Variants in FGF13 observed in about 807,000 individuals in gnomAD.
The protein encoded by FGF13 is fibroblast growth factor homologous factor 2.
Under a neutral mutation model 19.5 loss-of-function variants are expected in FGF13, and 2 were observed. The observed-to-expected ratio is 0.10, with a 90% CI of 0.04 to 0.32. The LOEUF (loss-of-function observed/expected upper bound fraction) is 0.32. Ranked by LOEUF, FGF13 falls within the 10% of genes least tolerant of loss-of-function variation. The pLI is 1.00. For synonymous variants in FGF13, 72 were observed against 76.9 expected (o/e 0.94, Z 0.33); for missense variants, 113 against 192.7 (o/e 0.59, Z 2.45).
chrX:138,878,128 G>C (rs1348553828), intron 1 of FGF13, among the ~76,000 whole-genome samples: 1 of 109,083 alleles, frequency 9.2e-6, no homozygotes, highest in Non-Finnish European at 1.9e-5. Flanking sequence ...TAATGAGTGT[G>C]AAGTGGTATC....
intron 1 of FGF13, among the ~76,000 whole-genome samples, chrX:139,099,591 C>G (rs1372116269): frequency 9.1e-6 from 1 of 109,794 alleles, no homozygotes; most frequent in Non-Finnish European, 1.9e-5. Context: ...TGTCCTCTCC[C>G]CTGTCCTTGT....
intron 1 of FGF13, among the ~76,000 whole-genome samples, chrX:138,875,627 G>C (rs957869876): frequency 1.8e-4 from 20 of 111,642 alleles, no homozygotes; most frequent in Non-Finnish European, 2.8e-4. Flanking sequence ...GAGTAAAGCA[G>C]ATTACTCTCC....
intron 1 of FGF13, among the ~76,000 whole-genome samples, chrX:139,099,468 G>A (rs939461677): frequency 2.8e-5 from 3 of 108,974 alleles, no homozygotes; most frequent in African/African-American, 1.0e-4. Flanking sequence ...AGTTGTTAGA[G>A]TACTGACAAA....
Position 139,056,457 on chromosome X carries a change from T to C in FGF13, c.-113+146959A>G, listed in dbSNP as rs1340840270. ...GTTTACAGCATTTACCCTAATCTCC[T>C]TTGAAAAAATACAAACTCCATGAAA... On this transcript the variant is annotated intron_variant, in intron 1 of 2. Coordinates refer to the FGF13 transcript ENST00000421460. Among the ~76,000 whole-genome samples, 4 of 112,402 alleles carry C rather than the reference T, an allele frequency of 3.6e-5. No individual in the cohort carries two copies. In the Admixed American group the frequency reaches 3.8e-4, roughly 11 times the overall value.
intron 1 of FGF13, among the ~76,000 whole-genome samples, chrX:139,166,625 A>G (rs1362770547): frequency 9.0e-6 from 1 of 111,413 alleles, no homozygotes; most frequent in Non-Finnish European, 1.9e-5. Flanking sequence ...TCATGTTGAC[A>G]TTTAATTCTC....
intron 1 of FGF13, among the ~76,000 whole-genome samples, chrX:139,085,563 C>T (rs770861306): frequency 8.9e-6 from 1 of 111,978 alleles, no homozygotes; most frequent in African/African-American, 3.2e-5. Flanking sequence ...CTAATGTGAG[C>T]AGCTACATTT....
chrX:138,847,961 T>C (rs745748179), intron 3 of FGF13, among the ~76,000 whole-genome samples: 1 of 111,794 alleles, frequency 8.9e-6, no homozygotes, highest in Non-Finnish European at 1.9e-5. Context: ...GTCAGTACTT[T>C]TCTGGCATAT....
At chrX:138,902,469 A>G (rs758800310) in intron 1 of FGF13, among the ~76,000 whole-genome samples, 6 of 111,723 alleles carry the variant, frequency 5.4e-5, no homozygotes, top group Admixed American at 9.5e-5. Context: ...TCACCCCTTA[A>G]CGTTTTCCTT....
chrX:139,093,378 G>T (rs1332360924), intron 1 of FGF13, among the ~76,000 whole-genome samples: 4 of 112,022 alleles, frequency 3.6e-5, no homozygotes, highest in Non-Finnish European at 7.5e-5. Context: ...CTTGGAAGCT[G>T]CTTTCAGAGC....
chrX:138,999,126 T>C (rs1023664214), intron 1 of FGF13, among the ~76,000 whole-genome samples: 1 of 112,162 alleles, frequency 8.9e-6, no homozygotes, highest in African/African-American at 3.2e-5. Flanking sequence ...AAAGATGTTC[T>C]TTGAAACCAA....
intron 1 of FGF13, among the ~76,000 whole-genome samples, chrX:138,883,269 A>G (rs939044794): frequency 8.9e-6 from 1 of 111,922 alleles, no homozygotes; most frequent in Non-Finnish European, 1.9e-5. Flanking sequence ...GTAAAGCCCA[A>G]CTTCATCTCT....
At chrX:138,854,349 C>T (rs2091244371), downstream of FGF13, among the ~76,000 whole-genome samples, 1 of 111,465 alleles carries the variant, frequency 9.0e-6, no homozygotes, top group African/African-American at 3.3e-5. Context: ...TGTAATTTGG[C>T]CTTCGTGTAT....
rs1387613577 is a variant in FGF13 at position 138,625,567 on chromosome X, T to C, written c.*7283A>G. On this transcript the variant is annotated 3_prime_UTR_variant, in exon 5 of 5. Transcript: ENST00000315930. ...AAAGAGGGAGCTCCTTCCATTTACA[T>C]AAACATGGATGAAACTTCAGAGCAC... 1 of 98,069 alleles carries C rather than the reference T, an allele frequency of 1.0e-5. No homozygotes were observed. The allele number at this position is 98,069 out of a possible 1,213,427, so 8.1% of individuals were successfully genotyped here. A position where few individuals can be genotyped will look rare whatever the true frequency, so the allele number is the denominator to read the frequency against.
intron 1 of FGF13, among the ~76,000 whole-genome samples, chrX:139,108,774 C>A (rs1480760417): frequency 2.7e-5 from 3 of 110,393 alleles, no homozygotes. Flanking sequence ...CAGATCAACC[C>A]ATCACCAAGG....
chrX:138,749,117 C>T (rs2090377640), intron 3 of FGF13, among the ~76,000 whole-genome samples: 1 of 110,889 alleles, frequency 9.0e-6, no homozygotes, highest in African/African-American at 3.3e-5. Context: ...TTCTATGCTA[C>T]AGAGGAGGGA....
chrX:139,128,044 C>G (rs376177556), intron 1 of FGF13, among the ~76,000 whole-genome samples: 2 of 110,514 alleles, frequency 1.8e-5, no homozygotes, highest in African/African-American at 6.6e-5. Flanking sequence ...GGACTATGCT[C>G]AAATGGGGAA....
chrX:138,929,854 CTGTGTGTGTGTGTGTGTGTGTG>C (rs577806507), intron 1 of FGF13, among the ~76,000 whole-genome samples: 19 of 96,273 alleles, frequency 2.0e-4, no homozygotes, highest in African/African-American at 4.9e-4. Flanking sequence ...ACTGCCTTAG[CTGTGTGTGTGTGTGTGTGTGTG>C]TGTGTGTGTG....
chrX:138,897,198 T>C (rs1374866801), intron 1 of FGF13, among the ~76,000 whole-genome samples: 1 of 111,552 alleles, frequency 9.0e-6, no homozygotes, highest in Non-Finnish European at 1.9e-5. Flanking sequence ...TTTGTAGAGA[T>C]GGGGTTTCGC....
intron 1 of FGF13, among the ~76,000 whole-genome samples, chrX:138,874,514 C>T (rs764192305): frequency 9.0e-6 from 1 of 111,559 alleles, no homozygotes; most frequent in African/African-American, 3.3e-5. Context: ...ATGAGATATT[C>T]TAAGCTACTC....
Sources: gnomAD v4.1 joint callset for allele counts (sites outside exome capture counted in the v4.1 genomes callset) on GRCh38, gnomAD v4.1.1 for gene constraint, MANE v1.5 for transcripts, NCBI Gene and HGNC (gene_info 2026-07-23, HGNC 2026-07-21) for gene names.